CBFA2T3: variants seen among roughly 807,000 people sequenced by gnomAD.
CBFA2T3 encodes the protein CBFA2/RUNX1 partner transcriptional co-repressor 3, also known as transcriptional corepressor CBFA2T3.
CBFA2T3 carries 31 observed loss-of-function variants against 58.6 expected under a neutral mutation model. The observed-to-expected ratio is 0.53, with a 90% CI of 0.40 to 0.71. The LOEUF is 0.71. Among genes scored for constraint, CBFA2T3 ranks in the 30% least tolerant of loss-of-function variants. The probability of loss-of-function intolerance (pLI) is 0.00; values close to 1 mark genes in which losing one functional copy is unlikely to be tolerated. For missense variants in CBFA2T3, 1,076 were observed against 963.1 expected, an observed-to-expected ratio of 1.12 and a Z score of -1.55; for synonymous variants, 531 against 421.9, an observed-to-expected ratio of 1.26 and a Z score of -3.17.
chr16:88,898,238 C>G (rs1284158995), intron 2 of CBFA2T3, 86 bp from the exon 3 acceptor site: 1 of 1,027,594 alleles, frequency 9.7e-7, no homozygotes, highest in African/African-American at 1.6e-5. Flanking sequence ...CCACCTTTTC[C>G]TACTTCTCAG....
intron 1 of CBFA2T3, among the ~76,000 whole-genome samples, chr16:88,975,868 A>G (rs771860564): frequency 6.6e-6 from 1 of 152,248 alleles, no homozygotes; most frequent in Non-Finnish European, 1.5e-5. Flanking sequence ...GGGTGCAGTC[A>G]GACCTTGGAC....
intron 1 of CBFA2T3, among the ~76,000 whole-genome samples, chr16:88,931,527 G>A (rs139624739): frequency 0.011 from 1,601 of 151,818 alleles, 18 homozygotes; most frequent in African/African-American, 0.025. Context: ...GAGAAGGGCC[G>A]TGGGCCGGCC....
At position 88,958,197 on chromosome 16, in the gene CBFA2T3, A is replaced by C. The variant is rs1265391756; in HGVS notation, c.151+18460T>G. The stretch of plus-strand genomic sequence containing the variant: ...GGCTGTCGGGGCCTCAGACGGCAGA[A>C]ACCTATCCCGAGAGGAAAGGGCCCT... On this transcript the variant is annotated intron_variant, in intron 1 of 11. Transcript: ENST00000268679. The surrounding 1 kb of genome is among the most constrained non-coding windows in gnomAD (Gnocchi z 4.0). 2.0e-5 allele frequency among the ~76,000 whole-genome samples: 3 copies of C among 152,188 alleles called. No individual in the cohort carries two copies. The highest frequency in any genetic ancestry group is 4.4e-5 in the Non-Finnish European group (3 of 68,036).
chr16:88,898,744 T>G (rs1007926944), intron 2 of CBFA2T3, among the ~76,000 whole-genome samples: 1 of 152,170 alleles, frequency 6.6e-6, no homozygotes, highest in Non-Finnish European at 1.5e-5. Context: ...AAGATTCGGC[T>G]GGGCTCAGTG....
intron 5 of CBFA2T3, among the ~76,000 whole-genome samples, chr16:88,889,503 C>A (rs1165489516): frequency 1.3e-5 from 2 of 151,890 alleles, no homozygotes; most frequent in East Asian, 3.9e-4. Flanking sequence ...CTGTAAGTGC[C>A]CTGGGACGAC....
At chr16:88,967,194 GACACGAGGCAGCGCC>G in intron 1 of CBFA2T3, among the ~76,000 whole-genome samples, 1 of 97,540 alleles carries the variant, frequency 1.0e-5, no homozygotes, top group African/African-American at 4.0e-5. Flanking sequence ...ACTCGGCCCC[GACACGAGGCAGCGCC>G]ATGCCACCCC....
At chr16:88,975,686 G>A (rs993423315) in intron 1 of CBFA2T3, among the ~76,000 whole-genome samples, 2 of 152,292 alleles carry the variant, frequency 1.3e-5, no homozygotes, top group Non-Finnish European at 2.9e-5. Context: ...GGCACCCGGG[G>A]TTGGGAAGTT....
At chr16:88,967,154 A>G (rs60784647) in intron 1 of CBFA2T3, among the ~76,000 whole-genome samples, 3,079 of 92,658 alleles carry the variant, frequency 0.033, 125 homozygotes, top group African/African-American at 0.089. Flanking sequence ...ACGCGGCAGC[A>G]CCATGCCACC....
intron 1 of CBFA2T3, among the ~76,000 whole-genome samples, chr16:88,957,976 G>A (rs1466578320): frequency 6.6e-6 from 1 of 152,252 alleles, no homozygotes; most frequent in Non-Finnish European, 1.5e-5. Flanking sequence ...CTTGAGATGG[G>A]TGAGTTGTAA....
chr16:88,895,700 C>T lies in CBFA2T3; in HGVS notation c.379+2378G>A, dbSNP rs960356660. On this transcript the variant is annotated intron_variant, in intron 3 of 11. Coordinates refer to ENST00000268679, the MANE Select transcript of CBFA2T3 (RefSeq NM_005187.6). Reference sequence around the variant, plus strand: ...CACTCCAGCCTGGGCCTCACAGATACCCACTGCAGGGGCTGTGGGAGGCCA... The same window carrying T: ...CACTCCAGCCTGGGCCTCACAGATATCCACTGCAGGGGCTGTGGGAGGCCA... Among the ~76,000 whole-genome samples, 11 of 152,282 alleles carry T rather than the reference C, an allele frequency of 7.2e-5. No individual in the cohort carries two copies. The East Asian group carries it at 2.1e-3, about 29-fold the overall frequency.
chr16:88,879,225 G>C, intron 11 of CBFA2T3, 45 bp downstream of exon 11: 1 of 1,523,374 alleles, frequency 6.6e-7, no homozygotes, highest in Non-Finnish European at 8.9e-7. Context: ...GACCGCACGG[G>C]AGCCGAGGCA....
At chr16:88,884,837 G>A (rs1041884306) in intron 7 of CBFA2T3, 10 of 474,318 alleles carry the variant, frequency 2.1e-5, no homozygotes, top group Non-Finnish European at 3.0e-5. Context: ...CCCACCCCGG[G>A]GGGAGAGGTG....
At chr16:88,910,189 G>A (rs1373078863) in intron 1 of CBFA2T3, among the ~76,000 whole-genome samples, 1 of 152,222 alleles carries the variant, frequency 6.6e-6, no homozygotes, top group African/African-American at 2.4e-5. Context: ...TTTCTGCAGG[G>A]AATGCACTTC....
chr16:88,954,279 C>T (rs911426105), intron 1 of CBFA2T3, among the ~76,000 whole-genome samples: 1 of 152,188 alleles, frequency 6.6e-6, no homozygotes, highest in Admixed American at 6.5e-5. Context: ...CCTTCCCCTA[C>T]AGCCCTGCCC....
intron 1 of CBFA2T3, among the ~76,000 whole-genome samples, chr16:88,963,599 C>T (rs932113585): frequency 2.0e-5 from 3 of 152,188 alleles, no homozygotes; most frequent in Admixed American, 1.3e-4. Flanking sequence ...GATTTGTTAT[C>T]GTGGACATTC....
chr16:88,887,923 C>T (rs767644948), intron 5 of CBFA2T3, among the ~76,000 whole-genome samples: 59 of 152,310 alleles, frequency 3.9e-4, no homozygotes, highest in Admixed American at 1.3e-3. Context: ...CAAGGGCTTT[C>T]GCGGACTCCG....
intron 1 of CBFA2T3, among the ~76,000 whole-genome samples, chr16:88,927,764 C>T (rs1971132125): frequency 6.6e-6 from 1 of 152,204 alleles, no homozygotes; most frequent in Non-Finnish European, 1.5e-5. Context: ...CGTGCGGACA[C>T]CCGGGAGCCA....
rs141337491 is a variant in CBFA2T3 at position 88,879,297 on chromosome 16, G to A, written c.1635C>T (p.Val545=). The part of the protein sequence containing the change: ...KRQASEDALT[V]INQQEDSSES... The stretch of plus-strand genomic sequence containing the variant: ...CGCTGGAGTCCTCCTGCTGGTTGAT[G>A]ACCGTCAGGGCGTCCTCGGAGGCCT... Residue 545 remains valine (V), a synonymous_variant, in exon 11 of 12, where the codon GTC becomes GTT. Transcript: ENST00000268679. 4 of 1,603,792 alleles carry A rather than the reference G, an allele frequency of 2.5e-6. No homozygotes were observed. Among genetic ancestry groups the A allele is most frequent in the Non-Finnish European group, 2.6e-6 (3 of 1,174,828 alleles).
chr16:88,917,263 C>T (rs904973106), intron 1 of CBFA2T3, among the ~76,000 whole-genome samples: 5 of 152,116 alleles, frequency 3.3e-5, no homozygotes, highest in South Asian at 2.1e-4. Context: ...CAGACACAAG[C>T]GGAGCGGAGA....
Sources: allele counts gnomAD v4.1 joint callset (sites outside exome capture counted in the v4.1 genomes callset), GRCh38; gene constraint gnomAD v4.1.1; non-coding constraint Gnocchi (gnomAD v3.1); transcripts MANE v1.5; gene names NCBI Gene and HGNC (gene_info 2026-07-23, HGNC 2026-07-21).